The following TUBA1B variants were observed in gnomAD, a reference collection of about 807,000 sequenced individuals.
The protein encoded by TUBA1B is tubulin alpha-1B chain.
Under a neutral mutation model 34.4 loss-of-function variants are expected in TUBA1B, and 1 was observed. The observed-to-expected ratio is 0.03, with a 90% confidence interval of 0.01 to 0.14. The LOEUF (loss-of-function observed/expected upper bound fraction) is 0.14. Ranked by LOEUF, TUBA1B falls within the 10% of genes least tolerant of loss-of-function variation. TUBA1B has a pLI of 1.00. For synonymous variants in TUBA1B, 197 were observed against 212.5 expected (o/e 0.93, Z 0.64); for missense variants, 54 against 583.6 (o/e 0.09, Z 9.35).
intron 1 of TUBA1B, chr12:49,130,070 T>C: frequency 8.3e-7 from 1 of 1,200,376 alleles, no homozygotes; most frequent in South Asian, 1.6e-5. Flanking sequence ...GATGTACTAC[T>C]TTTGAGAACA....
chr12:49,129,452 C>T (rs1426153779), intron 2 of TUBA1B, 48 bp downstream of exon 2: 5 of 1,613,578 alleles, frequency 3.1e-6, no homozygotes, highest in Non-Finnish European at 4.2e-6. Flanking sequence ...CCTGGACAGA[C>T]CTCCTGTCCC....
chr12:49,130,228 C>A (rs1040980038), intron 1 of TUBA1B: 14 of 1,285,188 alleles, frequency 1.1e-5, no homozygotes, highest in Non-Finnish European at 1.3e-5. Context: ...AGCGCTCAGG[C>A]CCCAGAAGCC....
At chr12:49,129,095 T>A in intron 3 of TUBA1B, 147 bp downstream of exon 3, 1 of 1,547,476 alleles carries the variant, frequency 6.5e-7, no homozygotes, top group Non-Finnish European at 8.8e-7. Flanking sequence ...ACCTAGGGAC[T>A]ATCTGATTTA....
At chr12:49,130,101 G>T in intron 1 of TUBA1B, 1 of 1,199,692 alleles carries the variant, frequency 8.3e-7, no homozygotes, top group Non-Finnish European at 1.1e-6. Context: ...AGTCTACGTT[G>T]CTTTTAATGA....
Position 49,131,374 on chromosome 12 carries a change from G to A in TUBA1B, c.-74C>T, listed in dbSNP as rs1258037046. On this transcript the variant is annotated 5_prime_UTR_variant, in exon 1 of 4. Coordinates refer to ENST00000336023, the MANE Select transcript of TUBA1B (RefSeq NM_006082.3). ...CCGGTTACCGTCCCCGACAAGCTAA[G>A]AGTCGAGGTAAGTAACGCACTAGGG... 6.4e-7 allele frequency: 1 copy of A among 1,574,546 alleles called. No homozygotes were observed. Among genetic ancestry groups the A allele is most frequent in the South Asian group, 1.1e-5 (1 of 88,074 alleles).
At position 49,129,006 on chromosome 12, in the gene TUBA1B, C is replaced by A. The variant is rs111246616; in HGVS notation, c.376-68G>T. On this transcript the variant is annotated intron_variant, in intron 3 of 3. Coordinates refer to ENST00000336023, the MANE Select transcript of TUBA1B (RefSeq NM_006082.3). ...CATTATCTTAGAATTTCTATTTCAA[C>A]TTTTTAGATTACGAACCATATCTCA... The A allele has an allele frequency of 6.0e-3, 9,261 of 1,536,722 alleles. 490 individuals are homozygous for A. The African/African-American group carries it at 0.11, about 19-fold the overall frequency.
chr12:49,130,428 C>G, intron 1 of TUBA1B: 1 of 1,178,494 alleles, frequency 8.5e-7, no homozygotes, highest in Non-Finnish European at 1.1e-6. Context: ...ATGGCCACGT[C>G]TGCAAAGGCG....
chr12:49,129,849 AT>A, intron 1 of TUBA1B, 127 bp from the exon 2 acceptor site: 1 of 1,460,724 alleles, frequency 6.8e-7, no homozygotes, highest in Non-Finnish European at 9.2e-7. Flanking sequence ...GAGTGCAGTG[AT>A]GCCATCTAGG....
intron 3 of TUBA1B, 139 bp from the exon 4 acceptor site, chr12:49,129,077 T>C (rs1357599578): frequency 1.5e-5 from 23 of 1,524,018 alleles, no homozygotes; most frequent in Non-Finnish European, 2.0e-5. Flanking sequence ...ATCCACAAAC[T>C]GTCCATAACC....
rs1277094550 is a variant in TUBA1B at position 49,128,768 on chromosome 12, A to G, written c.546T>C (p.Val182=). The G allele has an allele frequency of 6.2e-7, 1 of 1,613,092 alleles. No homozygotes were observed. The highest frequency in any genetic ancestry group is 8.5e-7 in the Non-Finnish European group (1 of 1,179,776). The stretch of plus-strand genomic sequence containing the variant: ...TGGTGAGGATGGAGTTGTAGGGCTC[A>G]ACTACAGCTGTGGAAACCTGGGGTG... ...YPAPQVSTAV[V]EPYNSILTTH... Residue 182 remains valine (V), a synonymous_variant, in exon 4 of 4, where the codon GTT becomes GTC. Coordinates refer to ENST00000336023, the MANE Select transcript of TUBA1B (RefSeq NM_006082.3). The surrounding 1 kb of genome is among the most constrained non-coding windows in gnomAD (Gnocchi z 8.1).
chr12:49,129,155 CAAAG>C, intron 3 of TUBA1B, 83 bp downstream of exon 3: 1 of 1,607,896 alleles, frequency 6.2e-7, no homozygotes, highest in South Asian at 1.1e-5. Flanking sequence ...TGGTAGGTGC[CAAAG>C]AATGAATGAT....
At chr12:49,131,193 GCT>G in intron 1 of TUBA1B, 103 bp downstream of exon 1, 1 of 1,447,016 alleles carries the variant, frequency 6.9e-7, no homozygotes. Flanking sequence ...CAAACGGACG[GCT>G]CTGAGGCCAG....
rs944745845 is a variant in TUBA1B at position 49,130,427 on chromosome 12, T to G, written c.4-705A>C. 3 of 1,181,656 alleles carry G rather than the reference T, an allele frequency of 2.5e-6. No homozygotes were observed. The African/African-American group carries it at 4.7e-5, about 19-fold the overall frequency. 73.2% of individuals were successfully genotyped at this position (1,181,656 alleles called of 1,614,324 possible). On this transcript the variant is annotated intron_variant, in intron 1 of 3. Transcript: ENST00000336023. ...GCTGCAGAGGCACGAAATGGCCACG[T>G]CTGCAAAGGCGCTGCCCAAGCCGCC...
In TUBA1B at chr12:49,127,829, A is replaced by G; in HGVS notation, c.*129T>C. On this transcript the variant is annotated 3_prime_UTR_variant, in exon 4 of 4. Coordinates refer to ENST00000336023, the MANE Select transcript of TUBA1B (RefSeq NM_006082.3). ...TTGAGATATGATGGAAAAATATTAC[A>G]GGTACACATGGAAAAGACATGATCA... The G allele has an allele frequency of 1.5e-6, 2 of 1,375,216 alleles. No individual in the cohort carries two copies. The highest frequency in any genetic ancestry group is 2.0e-6 in the Non-Finnish European group (2 of 998,360). The allele number at this position is 1,375,216 out of a possible 1,614,324, so 85.2% of individuals were successfully genotyped here.
chr12:49,130,420 G>A, intron 1 of TUBA1B: 17 of 1,215,816 alleles, frequency 1.4e-5, no homozygotes, highest in Non-Finnish European at 1.8e-5. Context: ...GGCACGAAAT[G>A]GCCACGTCTG....
In TUBA1B at chr12:49,127,875, C is replaced by A; in HGVS notation, c.*83G>T. Reference sequence around the variant, plus strand: ...GATCACCAAGTGAAAACAATCTAACCAGAAAGCTTTAACGTCTGTCAGTTA... The same window carrying A: ...GATCACCAAGTGAAAACAATCTAACAAGAAAGCTTTAACGTCTGTCAGTTA... On this transcript the variant is annotated 3_prime_UTR_variant, in exon 4 of 4. Coordinates refer to ENST00000336023, the MANE Select transcript of TUBA1B (RefSeq NM_006082.3). The A allele has an allele frequency of 3.8e-6, 6 of 1,597,272 alleles. No homozygotes were observed. Among genetic ancestry groups the A allele is most frequent in the Non-Finnish European group, 5.1e-6 (6 of 1,168,684 alleles).
In TUBA1B at chr12:49,129,483, T is replaced by C; in HGVS notation, c.226+17A>G. The stretch of plus-strand genomic sequence containing the variant: ...GTCCCAGCATCCTGGGATCTCAGGT[T>C]ACTGAGGTCAACTCACCAATGACTG... On this transcript the variant is annotated intron_variant, in intron 2 of 3. Coordinates refer to ENST00000336023, the MANE Select transcript of TUBA1B (RefSeq NM_006082.3). The C allele has an allele frequency of 6.2e-7, 1 of 1,614,108 alleles. No individual in the cohort carries two copies.
At chr12:49,131,390 CGCACTAGG>C (rs1226862311) in exon 1 of TUBA1B, 16 of 1,502,282 alleles carry the variant, frequency 1.1e-5, no homozygotes, top group Admixed American at 1.9e-5. Flanking sequence ...AGGTAAGTAA[CGCACTAGG>C]GCGGGGCCGG....
At chr12:49,130,927 CCG>C in intron 1 of TUBA1B, 1 of 194,350 alleles carries the variant, frequency 5.1e-6, no homozygotes, top group Non-Finnish European at 1.1e-5. Flanking sequence ...CTGGAAGAGT[CCG>C]CGCGCGCGTC....
Sources: allele counts gnomAD v4.1 joint callset, GRCh38; gene constraint gnomAD v4.1.1; non-coding constraint Gnocchi (gnomAD v3.1); transcripts MANE v1.5; gene names NCBI Gene and HGNC (gene_info 2026-07-23, HGNC 2026-07-21).